Variants in SKA3 observed in about 807,000 individuals in gnomAD.
SKA3 encodes spindle and kinetochore associated complex subunit 3.
Under a neutral mutation model 44.2 loss-of-function variants are expected in SKA3, and 39 were observed. The ratio of observed to expected loss-of-function variants is 0.88; its 90% confidence interval spans 0.68 to 1.15. The LOEUF is 1.15. SKA3 is among the 50% of genes most tolerant of loss of function. The probability of loss-of-function intolerance (pLI) is 0.00; values close to 1 mark genes in which losing one functional copy is unlikely to be tolerated. For synonymous variants in SKA3, 192 were observed against 172.0 expected, an observed-to-expected ratio of 1.12 and a Z score of -0.91; for missense variants, 511 against 485.8, an observed-to-expected ratio of 1.05 and a Z score of -0.49.
intron 4 of SKA3, among the ~76,000 whole-genome samples, chr13:21,163,047 G>C (rs1241095923): frequency 2.0e-5 from 3 of 152,104 alleles, no homozygotes; most frequent in Admixed American, 6.5e-5. Context: ...CATGGAAAGA[G>C]TTGATTTGTA....
chr13:21,173,932 A>G (rs528259188), intron 1 of SKA3, among the ~76,000 whole-genome samples: 1 of 152,200 alleles, frequency 6.6e-6, no homozygotes, highest in Non-Finnish European at 1.5e-5. Flanking sequence ...TAGTTTTCCA[A>G]CATGATTTTT....
chr13:21,158,084 T>A lies in SKA3; in HGVS notation c.957A>T (p.Ser319=). ...TACGATCTTCAACTTCCAAATCATT[T>A]GATGAACTATTTGTTTTTGATAATG... ...NYPLSKTNSS[S]NDLEVEDRTS... Residue 319 remains serine, a synonymous_variant, in exon 7 of 9, where the codon TCA becomes TCT. Transcript: ENST00000314759. The A allele has an allele frequency of 1.2e-6, 2 of 1,612,460 alleles. No individual in the cohort carries two copies. The highest frequency in any genetic ancestry group is 1.7e-5 in the Admixed American group (1 of 60,010).
intron 4 of SKA3, among the ~76,000 whole-genome samples, chr13:21,164,769 G>A (rs946726195): frequency 5.3e-5 from 8 of 151,554 alleles, no homozygotes; most frequent in Non-Finnish European, 1.0e-4. Flanking sequence ...TTTTAGAGGC[G>A]GGATCTAGCT....
intron 3 of SKA3, 133 bp from the exon 4 acceptor site, chr13:21,168,532 T>C (rs1280156329): frequency 1.2e-6 from 1 of 830,458 alleles, no homozygotes; most frequent in Non-Finnish European, 1.8e-6. Context: ...ATTTTATTTA[T>C]TTAGTATTTA....
chr13:21,156,388 C>T lies in SKA3; in HGVS notation c.1120-577G>A, dbSNP rs150208901. On this transcript the variant is annotated intron_variant, in intron 7 of 8. Transcript: ENST00000314759. Reference sequence around the variant, plus strand: ...AAATACACAAAGGAAAGATGTAAAACGAATGCTCAAAAGGAAGGTCATCAA... The same window carrying T: ...AAATACACAAAGGAAAGATGTAAAATGAATGCTCAAAAGGAAGGTCATCAA... 9.6e-4 allele frequency among the ~76,000 whole-genome samples: 146 copies of T among 151,884 alleles called. 1 individual carries two copies. The highest frequency in any genetic ancestry group is 3.2e-3 in the African/African-American group (133 of 41,438).
intron 4 of SKA3, among the ~76,000 whole-genome samples, chr13:21,166,882 GT>G (rs1330399369): frequency 1.3e-5 from 2 of 151,956 alleles, no homozygotes; most frequent in South Asian, 2.1e-4. Flanking sequence ...TATCTTTAGT[GT>G]TTTTTTCCCC....
chr13:21,155,286 G>C, intron 8 of SKA3, 136 bp from the exon 9 acceptor site: 1 of 654,038 alleles, frequency 1.5e-6, no homozygotes, highest in Non-Finnish European at 2.5e-6. Flanking sequence ...CATTAAACTG[G>C]ATAATTCGGG....
chr13:21,156,584 C>T (rs1252494317), intron 7 of SKA3, among the ~76,000 whole-genome samples: 1 of 152,138 alleles, frequency 6.6e-6, no homozygotes. Flanking sequence ...GAAGATGCTC[C>T]TTCTTCATGC....
At chr13:21,162,951 G>C (rs953596248) in intron 4 of SKA3, among the ~76,000 whole-genome samples, 1 of 152,154 alleles carries the variant, frequency 6.6e-6, no homozygotes, top group Non-Finnish European at 1.5e-5. Context: ...AGCAGGCTGA[G>C]GTGGAAGAAC....
rs1019010599 is a variant in SKA3 at position 21,161,299 on chromosome 13, C to T, written c.829+491G>A. ...AAAACAAAACAAAAAAATCATAAAA[C>T]TCTAGGATTTTTTTATCTTGCTTTT... On this transcript the variant is annotated intron_variant, in intron 5 of 8. Transcript: ENST00000314759. Among the ~76,000 whole-genome samples, 9 of 152,108 alleles carry T rather than the reference C, an allele frequency of 5.9e-5. No individual in the cohort carries two copies. The East Asian group carries it at 1.7e-3, about 29-fold the overall frequency.
intron 4 of SKA3, among the ~76,000 whole-genome samples, chr13:21,166,875 C>T (rs1461725657): frequency 1.3e-5 from 2 of 152,064 alleles, no homozygotes; most frequent in Non-Finnish European, 2.9e-5. Flanking sequence ...AAAATTTTAT[C>T]TTTAGTGTTT....
At chr13:21,168,649 C>CTGGGGTAGCTGGGACTACAGG (rs1318720605) in intron 3 of SKA3, among the ~76,000 whole-genome samples, 4 of 152,136 alleles carry the variant, frequency 2.6e-5, no homozygotes, top group Non-Finnish European at 5.9e-5. Context: ...ATCTCAGCCC[C>CTGGGGTAGCTGGGACTACAGG]TGGGGTAGCT....
Position 21,164,217 on chromosome 13 carries a change from G to A in SKA3, c.744-2342C>T, listed in dbSNP as rs1031082597. Among the ~76,000 whole-genome samples, 7 of 152,080 alleles carry A rather than the reference G, an allele frequency of 4.6e-5. 1 individual carries two copies. The South Asian group carries it at 6.2e-4, about 14-fold the overall frequency. On this transcript the variant is annotated intron_variant, in intron 4 of 8. Transcript: ENST00000314759. ...CATGTTATAACACTTTTCCTGCTTCGTCATTGGTCAAATATTTTATGATAC... is the reference window on the plus strand; with the variant it reads ...CATGTTATAACACTTTTCCTGCTTCATCATTGGTCAAATATTTTATGATAC...
Position 21,160,270 on chromosome 13 carries a change from T to C in SKA3, c.830-283A>G, listed in dbSNP as rs368717836. 2.0e-5 allele frequency among the ~76,000 whole-genome samples: 3 copies of C among 152,330 alleles called. No individual in the cohort carries two copies. In the South Asian group the frequency reaches 6.2e-4, roughly 32 times the overall value. On this transcript the variant is annotated intron_variant, in intron 5 of 8. Coordinates refer to ENST00000314759, the MANE Select transcript of SKA3 (RefSeq NM_145061.6). Reference sequence around the variant, plus strand: ...TATTAAAAATGGTGTAAAACCTTTATGAAGAAAATTATCAAACTTCTGACA... The same window carrying C: ...TATTAAAAATGGTGTAAAACCTTTACGAAGAAAATTATCAAACTTCTGACA...
At position 21,176,446 on chromosome 13, in the gene SKA3, A is replaced by T; in HGVS notation, c.32T>A (p.Leu11Gln). 1 of 1,578,848 alleles carries T rather than the reference A, an allele frequency of 6.3e-7. No homozygotes were observed. The highest frequency in any genetic ancestry group is 8.6e-7 in the Non-Finnish European group (1 of 1,163,430). MDPIRSFCGK[L>Q]RSLASTLDCE... is the part of the protein sequence containing the mutation. Reference sequence around the variant, plus strand: ...GTCCAGCGTGCTGGCCAGAGACCGCAGCTTCCCGCAGAAGCTCCGGATAGG... The same window carrying T: ...GTCCAGCGTGCTGGCCAGAGACCGCTGCTTCCCGCAGAAGCTCCGGATAGG... Residue 11 changes from leucine (L) to glutamine (Q), a missense_variant, in exon 1 of 9, where the codon CTG (leucine) becomes CAG (glutamine). Leu to Gln is a moderately radical substitution (Grantham distance 113). Coordinates refer to ENST00000314759, the MANE Select transcript of SKA3 (RefSeq NM_145061.6).
rs750529802 is a variant in SKA3 at position 21,154,144 on chromosome 13, CTTG to C, written c.*1003_*1005del. On this transcript the variant is annotated 3_prime_UTR_variant, in exon 9 of 9. Transcript: ENST00000314759. ...GCCTTTGAAGTAAGTTGACATAATACTTGTTGTTTCTTCTCAAATTTTTAATGG... is the reference window on the plus strand; with the variant it reads ...GCCTTTGAAGTAAGTTGACATAATACTTGTTTCTTCTCAAATTTTTAATGG... 1.1e-4 allele frequency: 16 copies of C among 152,196 alleles called. No homozygotes were observed. The highest frequency in any genetic ancestry group is 2.4e-4 in the Non-Finnish European group (16 of 68,038). 9.4% of individuals were successfully genotyped at this position (152,196 alleles called of 1,614,324 possible). A position where few individuals can be genotyped will look rare whatever the true frequency, so the allele number is the denominator to read the frequency against.
chr13:21,174,299 T>C lies in SKA3; in HGVS notation c.104-1618A>G, dbSNP rs1048806880. ...AAAGACACATGCACACTTATGTTTA[T>C]TGCCGCACTATTCACAATAGCAAAG... On this transcript the variant is annotated intron_variant, in intron 1 of 8. Coordinates refer to ENST00000314759, the MANE Select transcript of SKA3 (RefSeq NM_145061.6). Among the ~76,000 whole-genome samples the C allele has an allele frequency of 1.4e-4, 22 of 152,350 alleles. 1 individual carries two copies. The East Asian group carries it at 1.9e-3, about 13-fold the overall frequency.
In SKA3 at chr13:21,157,955, C is replaced by T. The variant is rs4770121; in HGVS notation, c.1086G>A (p.Pro362=). 0.95 allele frequency: 1,525,015 copies of T among 1,610,604 alleles called. 722,303 individuals are homozygous for T. The highest frequency in any genetic ancestry group is 1 in the East Asian group (44,776 of 44,780). ...TATCTTCTGGAATTTTAGTTACTTC[C>T]GGAGGTGTAGGTGTTCTGAGCAGAT... The part of the protein sequence containing the change: ...YENLLRTPTP[P]EVTKIPEDIL... The change falls in exon 7 of 9, where the codon CCG becomes CCA. Residue 362 remains proline, a synonymous_variant. Coordinates refer to ENST00000314759, the MANE Select transcript of SKA3 (RefSeq NM_145061.6).
chr13:21,156,898 A>T, intron 7 of SKA3, among the ~76,000 whole-genome samples: 1 of 32,246 alleles, frequency 3.1e-5, no homozygotes, highest in Non-Finnish European at 7.2e-5. Flanking sequence ...GTCTCTACTA[A>T]AAATACAAAA....
Sources: allele counts gnomAD v4.1 joint callset (sites outside exome capture counted in the v4.1 genomes callset), GRCh38; gene constraint gnomAD v4.1.1; transcripts MANE v1.5; gene names NCBI Gene and HGNC (gene_info 2026-07-23, HGNC 2026-07-21).